Variants in INTS8 observed in about 807,000 individuals in gnomAD.
The protein encoded by INTS8 is integrator complex subunit 8, also known as protein kaonashi-1.
Under a neutral mutation model 138.9 loss-of-function variants are expected in INTS8, and 47 were observed. The observed-to-expected ratio is 0.34, with a 90% CI of 0.27 to 0.43. The LOEUF (loss-of-function observed/expected upper bound fraction) is 0.43, where lower values mean the gene tolerates loss of function less well. Ranked by LOEUF, INTS8 falls within the 20% of genes least tolerant of loss-of-function variation. The probability of loss-of-function intolerance (pLI) is 1.00; values close to 1 mark genes in which losing one functional copy is unlikely to be tolerated. For missense variants in INTS8, 996 were observed against 1,173.0 expected (o/e 0.85, Z 2.20); for synonymous variants, 392 against 400.9 (o/e 0.98, Z 0.27).
chr8:94,869,603 C>A (rs1427147842), intron 20 of INTS8, among the ~76,000 whole-genome samples: 1 of 152,104 alleles, frequency 6.6e-6, no homozygotes, highest in Non-Finnish European at 1.5e-5. Context: ...AGCAATTCTC[C>A]TGCCTCAGCC....
chr8:94,842,046 G>C (rs1410936844), intron 9 of INTS8, among the ~76,000 whole-genome samples: 1 of 150,280 alleles, frequency 6.7e-6, no homozygotes, highest in Non-Finnish European at 1.5e-5. Flanking sequence ...TCCAGCCTGG[G>C]TGACAAAGCA....
chr8:94,827,358 C>G lies in INTS8; in HGVS notation c.401C>G (p.Thr134Ser), dbSNP rs767724233. Reference protein sequence around the residue: ...GTKHVDMDLATLPPTTAMAVL... With the variant: ...GTKHVDMDLASLPPTTAMAVL... Reference sequence around the variant, plus strand: ...AAGCATGTAGACATGGATCTGGCCACTTTACCTCCGACCACTGCCATGGCT... The same window carrying G: ...AAGCATGTAGACATGGATCTGGCCAGTTTACCTCCGACCACTGCCATGGCT... Residue 134 changes from threonine to serine, a missense_variant, in exon 3 of 27, where the codon ACT becomes AGT. Physicochemically the swap from Thr to Ser is moderately conservative, Grantham distance 58 (BLOSUM62 1). Coordinates refer to ENST00000523731, the MANE Select transcript of INTS8 (RefSeq NM_017864.4). The G allele has an allele frequency of 6.2e-7, 1 of 1,614,166 alleles. No individual in the cohort carries two copies. The highest frequency in any genetic ancestry group is 1.1e-5 in the South Asian group (1 of 91,090).
chr8:94,846,545 A>G (rs906602653), intron 10 of INTS8, among the ~76,000 whole-genome samples: 2 of 152,188 alleles, frequency 1.3e-5, no homozygotes, highest in African/African-American at 4.8e-5. Flanking sequence ...GATTACTGGG[A>G]TTACAGGTGT....
At chr8:94,863,393 C>T (rs185897417) in intron 16 of INTS8, among the ~76,000 whole-genome samples, 32 of 152,320 alleles carry the variant, frequency 2.1e-4, no homozygotes, top group African/African-American at 5.3e-4. Context: ...TCCAGCTTTG[C>T]GTGTTTGTGT....
At chr8:94,830,956 C>G (rs531049202) in intron 5 of INTS8, among the ~76,000 whole-genome samples, 1 of 151,868 alleles carries the variant, frequency 6.6e-6, no homozygotes, top group South Asian at 2.1e-4. Flanking sequence ...CTCCACCATG[C>G]CTGGCTAATT....
At position 94,881,487 on chromosome 8, in the gene INTS8, G is replaced by A. The variant is rs1370581532; in HGVS notation, c.*1253G>A. 1.4e-6 allele frequency: 1 copy of A among 720,676 alleles called. No homozygotes were observed. The highest frequency in any genetic ancestry group is 1.8e-5 in the African/African-American group (1 of 55,988). 44.6% of individuals were successfully genotyped at this position (720,676 alleles called of 1,614,324 possible). A position where few individuals can be genotyped will look rare whatever the true frequency, so the allele number is the denominator to read the frequency against. ...ATGTATTCTTTAGTGCCAATTGTAA[G>A]TTTTAAAATCAGAATGGCAGTGTAA... On this transcript the variant is annotated 3_prime_UTR_variant, in exon 27 of 27. Transcript: ENST00000523731.
chr8:94,856,551 GTA>G (rs1815752481), intron 14 of INTS8, among the ~76,000 whole-genome samples: 2 of 152,004 alleles, frequency 1.3e-5, no homozygotes, highest in South Asian at 4.1e-4. Flanking sequence ...AATAATATAA[GTA>G]TTTTATATTG....
intron 10 of INTS8, among the ~76,000 whole-genome samples, chr8:94,842,746 T>C (rs1219436948): frequency 6.6e-6 from 1 of 152,202 alleles, no homozygotes; most frequent in Non-Finnish European, 1.5e-5. Flanking sequence ...CTTCCTTTAG[T>C]ATTTCTGTTC....
Position 94,836,606 on chromosome 8 carries a change from T to C in INTS8, c.836T>C (p.Phe279Ser), listed in dbSNP as rs370048441. The C allele has an allele frequency of 1.4e-5, 23 of 1,612,746 alleles. 1 individual carries two copies. The East Asian group carries it at 2.5e-4, about 17-fold the overall frequency. ...AVYENAREKF[F>S]RTKELIAEIG... ...TATGAAAATGCCAGGGAAAAATTTT[T>C]TAGAACCAAAGAACTAATTGCAGAG... The change falls in exon 7 of 27, where the codon TTT becomes TCT. Residue 279 changes from phenylalanine to serine, a missense_variant. Phe to Ser is a radical substitution (Grantham distance 155). Coordinates refer to ENST00000523731, the MANE Select transcript of INTS8 (RefSeq NM_017864.4).
In INTS8 at chr8:94,867,353, G is replaced by A; in HGVS notation, c.2414+16G>A. 1.3e-6 allele frequency: 2 copies of A among 1,584,348 alleles called. No individual in the cohort carries two copies. The highest frequency in any genetic ancestry group is 1.7e-6 in the Non-Finnish European group (2 of 1,156,248). ...CCATTCCCAAGTAAGTAGTGGTATA[G>A]CTTTTATTTTATTAATTGAGTTATG... On this transcript the variant is annotated intron_variant, in intron 20 of 26. Transcript: ENST00000523731.
intron 6 of INTS8, 122 bp downstream of exon 6, chr8:94,832,296 G>T: frequency 1.5e-6 from 1 of 684,780 alleles, no homozygotes; most frequent in Non-Finnish European, 2.5e-6. Context: ...TATTAAAACT[G>T]CATTGTATTT....
chr8:94,851,835 A>G (rs1224683803), intron 13 of INTS8, 149 bp downstream of exon 13: 2 of 511,338 alleles, frequency 3.9e-6, no homozygotes, highest in Non-Finnish European at 6.7e-6. Flanking sequence ...CATTTTTAAC[A>G]TCCATTGACA....
intron 5 of INTS8, 111 bp downstream of exon 5, chr8:94,829,137 A>C: frequency 8.3e-6 from 6 of 726,898 alleles, no homozygotes; most frequent in East Asian, 2.9e-5. Flanking sequence ...TTTCCAGGAA[A>C]CTGGATGTGG....
At chr8:94,851,487 TTAAG>T in intron 12 of INTS8, 62 bp from the exon 13 acceptor site, 1 of 1,134,556 alleles carries the variant, frequency 8.8e-7, no homozygotes, top group Non-Finnish European at 1.2e-6. Context: ...ATACATAATT[TTAAG>T]TAAATTGTTA....
Position 94,853,746 on chromosome 8 carries a change from T to TA in INTS8, c.1642-58dup. 3 of 878,112 alleles carry TA rather than the reference T, an allele frequency of 3.4e-6. No homozygotes were observed. In the South Asian group the frequency reaches 4.5e-5, roughly 13 times the overall value. 54.4% of individuals were successfully genotyped at this position (878,112 alleles called of 1,614,324 possible). A position where few individuals can be genotyped will look rare whatever the true frequency, so the allele number is the denominator to read the frequency against. On this transcript the variant is annotated intron_variant, in intron 13 of 26. Transcript: ENST00000523731. ...CGATTGAAGATTGTTGAAAGATTCT[T>TA]ATCTAGATTTGGCTTCCTCTATGTG...
Position 94,878,519 on chromosome 8 carries a change from T to C in INTS8, c.2872-1599T>C, listed in dbSNP as rs150850407. ...ATTGTTAAGCCCGCTATGCAGCCCA[T>C]AAGAGGTTATACTATTTGATGAAGG... On this transcript the variant is annotated intron_variant, in intron 26 of 26. Transcript: ENST00000523731. Among the ~76,000 whole-genome samples, 415 of 152,306 alleles carry C rather than the reference T, an allele frequency of 2.7e-3. 3 individuals are homozygous for C. The highest frequency in any genetic ancestry group is 9.4e-3 in the African/African-American group (390 of 41,572).
At chr8:94,879,621 AAAAC>A (rs1166260150) in intron 26 of INTS8, 1 of 106,474 alleles carries the variant, frequency 9.4e-6, no homozygotes, top group Non-Finnish European at 1.9e-5. Context: ...CAAACAAAAA[AAAAC>A]CTTTTTTTTT....
At chr8:94,866,115 A>G in intron 17 of INTS8, 43 bp from the exon 18 acceptor site, 2 of 807,442 alleles carry the variant, frequency 2.5e-6, no homozygotes, top group East Asian at 2.7e-5. Flanking sequence ...TTTATTTTTT[A>G]TTTCTAATAT....
intron 20 of INTS8, chr8:94,867,633 C>G (rs748552876): frequency 2.7e-4 from 60 of 221,050 alleles, no homozygotes; most frequent in Non-Finnish European, 4.6e-4. Flanking sequence ...AAGCAATTCT[C>G]ATGCCTCAGC....
Sources: allele counts gnomAD v4.1 joint callset (sites outside exome capture counted in the v4.1 genomes callset), GRCh38; gene constraint gnomAD v4.1.1; transcripts MANE v1.5; gene names NCBI Gene and HGNC (gene_info 2026-07-23, HGNC 2026-07-21).